The following LRRC9 variants were observed in gnomAD, a reference collection of about 807,000 sequenced individuals.
The protein encoded by LRRC9 is leucine-rich repeat-containing protein 9.
Under a neutral mutation model 63.2 loss-of-function variants are expected in LRRC9, and 122 were observed. The ratio of observed to expected loss-of-function variants is 1.93; its 90% CI spans 1.67 to 2.24. The LOEUF (loss-of-function observed/expected upper bound fraction) is 2.24, where lower values mean the gene tolerates loss of function less well. Among genes scored for constraint, LRRC9 ranks in the 30% most tolerant of loss-of-function variants. The pLI is 0.00. For missense variants in LRRC9, 1,071 were observed against 627.7 expected (o/e 1.71, Z -7.55); for synonymous variants, 366 against 213.1 (o/e 1.72, Z -6.25).
chr14:60,053,649 T>A lies in LRRC9; in HGVS notation c.4131+444T>A, dbSNP rs962621064. ...ACTCAACTCTCTGGATTGTGTAGTT[T>A]ATCTAAGAAAGGAGATGTGTGCCTC... On this transcript the variant is annotated intron_variant, in intron 30 of 31. Transcript: ENST00000445360. This position sits in a 1 kb window ranked among gnomAD's most constrained non-coding sequence, Gnocchi z 4.8. Among the ~76,000 whole-genome samples the A allele has an allele frequency of 6.6e-6, 1 of 152,314 alleles. No individual in the cohort carries two copies. The highest frequency in any genetic ancestry group is 3.4e-3 in the Middle Eastern group (1 of 294).
At chr14:59,945,212 CTA>C (rs1477461252) in intron 8 of LRRC9, among the ~76,000 whole-genome samples, 1 of 150,730 alleles carries the variant, frequency 6.6e-6, no homozygotes, top group Admixed American at 6.6e-5. Context: ...TTAAATCAAG[CTA>C]TATGTTAGTA....
At position 60,053,213 on chromosome 14, in the gene LRRC9, T is replaced by C. The variant is rs1894019872; in HGVS notation, c.4131+8T>C. The C allele has an allele frequency of 1.4e-6, 1 of 691,848 alleles. No homozygotes were observed. The highest frequency in any genetic ancestry group is 2.7e-5 in the East Asian group (1 of 37,142). 42.9% of individuals were successfully genotyped at this position (691,848 alleles called of 1,614,324 possible). A position where few individuals can be genotyped will look rare whatever the true frequency, so the allele number is the denominator to read the frequency against. ...CAAGCAAAGAAAAACTCGGTAATAATTATATTATTTACAATTTTCCTTTTG... is the reference window on the plus strand; with the variant it reads ...CAAGCAAAGAAAAACTCGGTAATAACTATATTATTTACAATTTTCCTTTTG... On this transcript the variant is annotated splice_region_variant and intron_variant, in intron 30 of 31. Coordinates refer to ENST00000445360, the Ensembl canonical transcript of LRRC9. This position sits in a 1 kb window ranked among gnomAD's most constrained non-coding sequence, Gnocchi z 4.8.
At chr14:59,943,327 T>C (rs1881995567) in intron 7 of LRRC9, among the ~76,000 whole-genome samples, 1 of 152,124 alleles carries the variant, frequency 6.6e-6, no homozygotes, top group Non-Finnish European at 1.5e-5. Flanking sequence ...TTTTTGTATA[T>C]GTTGAGAGAC....
intron 28 of LRRC9, among the ~76,000 whole-genome samples, 170 bp downstream of exon 28, chr14:60,028,271 C>G (rs1891714308): frequency 6.6e-6 from 1 of 151,980 alleles, no homozygotes; most frequent in African/African-American, 2.4e-5. Context: ...AAATATCCAC[C>G]CTACTTCTAG....
exon 24 of LRRC9, chr14:60,016,672 A>T (rs1256054015): frequency 1.4e-6 from 1 of 699,498 alleles, no homozygotes; most frequent in East Asian, 2.7e-5. Context: ...ACCATCAGAG[A>T]CTGACAGTGC....
intron 2 of LRRC9, 67 bp downstream of exon 2, chr14:59,928,058 C>T: frequency 1.5e-6 from 1 of 651,666 alleles, no homozygotes; most frequent in South Asian, 1.8e-5. Flanking sequence ...TTTTTATGCT[C>T]CTTTCTAGAG....
rs1289077652 is a variant in LRRC9 at position 60,002,109 on chromosome 14, T to G, written c.2664+9T>G. 5 of 694,396 alleles carry G rather than the reference T, an allele frequency of 7.2e-6. No individual in the cohort carries two copies. Among genetic ancestry groups the G allele is most frequent in the East Asian group, 2.7e-5 (1 of 37,154 alleles). 43.0% of individuals were successfully genotyped at this position (694,396 alleles called of 1,614,324 possible). Reference sequence around the variant, plus strand: ...GAAACTGCTACTTGAAGGTAAAGGCTAATTCTATTAAACCTAATATAAAGC... The same window carrying G: ...GAAACTGCTACTTGAAGGTAAAGGCGAATTCTATTAAACCTAATATAAAGC... On this transcript the variant is annotated intron_variant, in intron 20 of 31. Coordinates refer to ENST00000445360, the Ensembl canonical transcript of LRRC9.
intron 7 of LRRC9, among the ~76,000 whole-genome samples, chr14:59,941,517 T>A (rs1881763355): frequency 6.6e-6 from 1 of 151,952 alleles, no homozygotes; most frequent in African/African-American, 2.4e-5. Context: ...TTTGGGATAA[T>A]TAAATAAGTA....
chr14:60,021,403 A>C (rs1891107377), intron 26 of LRRC9, among the ~76,000 whole-genome samples: 1 of 151,830 alleles, frequency 6.6e-6, no homozygotes, highest in Non-Finnish European at 1.5e-5. Flanking sequence ...CCCTTTATTA[A>C]AAAATGATTT....
At position 60,031,989 on chromosome 14, in the gene LRRC9, G is replaced by T. The variant is rs1292268469; in HGVS notation, c.3922-6G>T. 4.3e-6 allele frequency: 3 copies of T among 698,552 alleles called. No homozygotes were observed. The highest frequency in any genetic ancestry group is 7.8e-6 in the Non-Finnish European group (3 of 382,794). The allele number at this position is 698,552 out of a possible 1,614,324, so 43.3% of individuals were successfully genotyped here. A position where few individuals can be genotyped will look rare whatever the true frequency, so the allele number is the denominator to read the frequency against. ...AATAATAACTTACTGATTAACTTTTGAATAGGATATCACAGAACTGGAAAA... is the reference window on the plus strand; with the variant it reads ...AATAATAACTTACTGATTAACTTTTTAATAGGATATCACAGAACTGGAAAA... On this transcript the variant is annotated splice_polypyrimidine_tract_variant and splice_region_variant and intron_variant, in intron 28 of 31. Transcript: ENST00000445360. The surrounding 1 kb of genome is among the most constrained non-coding windows in gnomAD (Gnocchi z 4.6).
intron 8 of LRRC9, among the ~76,000 whole-genome samples, chr14:59,952,177 GC>G (rs1163517027): frequency 2.0e-5 from 3 of 151,688 alleles, no homozygotes; most frequent in African/African-American, 7.2e-5. Flanking sequence ...GACCCTCCGA[GC>G]CAGGTGTGGG....
intron 8 of LRRC9, among the ~76,000 whole-genome samples, chr14:59,959,588 G>T (rs1405392994): frequency 6.6e-6 from 1 of 152,144 alleles, no homozygotes; most frequent in African/African-American, 2.4e-5. Context: ...AGTGGTTAAG[G>T]TCGGCACTTG....
At chr14:60,001,682 C>T (rs1364180045) in intron 19 of LRRC9, among the ~76,000 whole-genome samples, 1 of 152,058 alleles carries the variant, frequency 6.6e-6, no homozygotes, top group Admixed American at 6.5e-5. Flanking sequence ...TATTCTAGCT[C>T]TTAAACTGGT....
chr14:59,960,988 T>C (rs1357020437), exon 10 of LRRC9: 2 of 697,632 alleles, frequency 2.9e-6, no homozygotes, highest in Non-Finnish European at 5.2e-6. Context: ...CTTTTGTTAA[T>C]TGAGTTAGAG....
At chr14:60,039,681 C>T (rs1040253199) in intron 29 of LRRC9, among the ~76,000 whole-genome samples, 1 of 151,762 alleles carries the variant, frequency 6.6e-6, no homozygotes, top group Non-Finnish European at 1.5e-5. Context: ...TTGCTAGTGG[C>T]CTATCAGTTT....
Position 59,988,569 on chromosome 14 carries a change from T to C in LRRC9, c.2211+3345T>C, listed in dbSNP as rs2140134400. Among the ~76,000 whole-genome samples the C allele has an allele frequency of 1.3e-5, 2 of 152,294 alleles. 1 individual carries two copies. Among genetic ancestry groups the C allele is most frequent in the South Asian group, 4.1e-4 (2 of 4,828 alleles). On this transcript the variant is annotated intron_variant, in intron 17 of 31. Coordinates refer to ENST00000445360, the Ensembl canonical transcript of LRRC9. ...TACTGTTGTACACGCAACAGTGTCA[T>C]AATGACAGTACTTATACTATTATCA...
At chr14:59,978,213 C>A in intron 15 of LRRC9, 81 bp downstream of exon 15, 1 of 657,286 alleles carries the variant, frequency 1.5e-6, no homozygotes, top group South Asian at 1.6e-5. Flanking sequence ...TCGAATAATG[C>A]TATGTCAAGT....
At chr14:59,934,092 A>G (rs999827748) in intron 6 of LRRC9, among the ~76,000 whole-genome samples, 2 of 152,144 alleles carry the variant, frequency 1.3e-5, no homozygotes, top group Non-Finnish European at 2.9e-5. Flanking sequence ...TTCCAGGAAT[A>G]ATCTAAATGA....
rs140172665 is a variant in LRRC9, at chr14:60,063,520, C to G, written c.*112C>G. 294 of 514,624 alleles carry G rather than the reference C, an allele frequency of 5.7e-4. 1 individual carries two copies. The highest frequency in any genetic ancestry group is 4.5e-3 in the African/African-American group (232 of 51,158). The allele number at this position is 514,624 out of a possible 1,614,324, so 31.9% of individuals were successfully genotyped here. A position where few individuals can be genotyped will look rare whatever the true frequency, so the allele number is the denominator to read the frequency against. On this transcript the variant is annotated 3_prime_UTR_variant, in exon 32 of 32. Coordinates refer to ENST00000445360, the Ensembl canonical transcript of LRRC9. ...TTCCATATGAAGATAATCTATTACC[C>G]TTCATGAACTTGATTTAATATCACC...
Sources: allele counts gnomAD v4.1 joint callset (sites outside exome capture counted in the v4.1 genomes callset), GRCh38; gene constraint gnomAD v4.1.1; non-coding constraint Gnocchi (gnomAD v3.1); transcripts MANE v1.5; gene names NCBI Gene and HGNC (gene_info 2026-07-23, HGNC 2026-07-21).